SND1: variants seen among roughly 807,000 people sequenced by gnomAD.
SND1 encodes the protein staphylococcal nuclease and tudor domain containing 1, also known as staphylococcal nuclease domain-containing protein 1.
Under a neutral mutation model 121.7 loss-of-function variants are expected in SND1, and 38 were observed. The ratio of observed to expected loss-of-function variants is 0.31; its 90% CI spans 0.24 to 0.41. The LOEUF (loss-of-function observed/expected upper bound fraction) is 0.41. Ranked by LOEUF, SND1 falls within the 10% of genes least tolerant of loss-of-function variation. The probability of loss-of-function intolerance (pLI) is 1.00; values close to 1 mark genes in which losing one functional copy is unlikely to be tolerated. For missense variants in SND1, 868 were observed against 1,184.6 expected (o/e 0.73, Z 3.92); for synonymous variants, 401 against 447.4 (o/e 0.90, Z 1.31).
At chr7:127,843,560 C>T (rs543025339) in intron 11 of SND1, among the ~76,000 whole-genome samples, 2 of 152,296 alleles carry the variant, frequency 1.3e-5, no homozygotes, top group South Asian at 4.1e-4. Flanking sequence ...CATGTCTTTT[C>T]ATGGCTTGAT....
chr7:127,673,136 T>G (rs1454560772), intron 1 of SND1, among the ~76,000 whole-genome samples: 1 of 148,278 alleles, frequency 6.7e-6, no homozygotes, highest in Non-Finnish European at 1.5e-5. Context: ...TATATTCTAT[T>G]ATATATGATA....
chr7:128,083,794 G>T (rs761513349), intron 18 of SND1, among the ~76,000 whole-genome samples: 1 of 152,138 alleles, frequency 6.6e-6, no homozygotes, highest in South Asian at 2.1e-4. Flanking sequence ...CTTCTGAGAC[G>T]CAAGGGGCAA....
At chr7:127,799,177 C>G (rs1411856439) in intron 10 of SND1, among the ~76,000 whole-genome samples, 1 of 152,176 alleles carries the variant, frequency 6.6e-6, no homozygotes, top group East Asian at 1.9e-4. Context: ...ACCTGACAAC[C>G]ACCGACAGGT....
At chr7:127,822,013 A>G (rs1244714496) in intron 11 of SND1, among the ~76,000 whole-genome samples, 1 of 152,116 alleles carries the variant, frequency 6.6e-6, no homozygotes, top group East Asian at 1.9e-4. Context: ...TCTCTTATGT[A>G]TTCATTTTTT....
intron 2 of SND1, among the ~76,000 whole-genome samples, chr7:127,694,403 G>C (rs1795973273): frequency 6.6e-6 from 1 of 152,202 alleles, no homozygotes; most frequent in Non-Finnish European, 1.5e-5. Flanking sequence ...CTCTGCCTAG[G>C]TGGGTTCCTG....
At chr7:127,681,181 T>C (rs1415419553) in intron 1 of SND1, among the ~76,000 whole-genome samples, 1 of 152,230 alleles carries the variant, frequency 6.6e-6, no homozygotes, top group Non-Finnish European at 1.5e-5. Context: ...TCTTATTGAT[T>C]TTAGCTATCC....
intron 15 of SND1, among the ~76,000 whole-genome samples, chr7:127,957,848 G>A (rs141039106): frequency 1.8e-4 from 28 of 152,164 alleles, no homozygotes; most frequent in South Asian, 1.2e-3. Flanking sequence ...TTACAGGCGC[G>A]AGCCACCACA....
chr7:128,018,889 C>G (rs1423459866), intron 16 of SND1, among the ~76,000 whole-genome samples: 1 of 152,214 alleles, frequency 6.6e-6, no homozygotes, highest in Non-Finnish European at 1.5e-5. Flanking sequence ...TCAATAACAG[C>G]TATGATCCTA....
chr7:127,722,192 A>AGTT, intron 10 of SND1, among the ~76,000 whole-genome samples: 1 of 152,270 alleles, frequency 6.6e-6, no homozygotes, highest in African/African-American at 2.4e-5. Context: ...TATGTTAACT[A>AGTT]GTTATAGAAC....
At chr7:128,091,738 G>T in intron 22 of SND1, 99 bp from the exon 23 acceptor site, 1 of 1,252,296 alleles carries the variant, frequency 8.0e-7, no homozygotes, top group Non-Finnish European at 1.2e-6. Flanking sequence ...GCTTGAGCAA[G>T]GGAGAGCTCT....
intron 3 of SND1, 40 bp from the exon 4 acceptor site, chr7:127,698,835 G>GT: frequency 6.4e-7 from 1 of 1,570,058 alleles, no homozygotes; most frequent in Non-Finnish European, 8.8e-7. Flanking sequence ...TTGGAGGCAG[G>GT]TTTGAATCTT....
chr7:127,983,033 T>C (rs938078732), intron 15 of SND1, among the ~76,000 whole-genome samples: 13 of 152,220 alleles, frequency 8.5e-5, no homozygotes, highest in African/African-American at 3.1e-4. Flanking sequence ...TGTCTATATA[T>C]TGTTGGCGCT....
At chr7:127,835,167 A>T (rs1798842869) in intron 11 of SND1, among the ~76,000 whole-genome samples, 1 of 152,004 alleles carries the variant, frequency 6.6e-6, no homozygotes, top group Non-Finnish European at 1.5e-5. Flanking sequence ...CCTTCCCCCC[A>T]CTAATTATTC....
In SND1 at chr7:127,781,964, T is replaced by C. The variant is rs1180037006; in HGVS notation, c.1153-25520T>C. ...TTCCCCTTTTTCACTTAAGACAACATCCCATAAAATTTTCGCTTGGGTTAT... is the reference window on the plus strand; with the variant it reads ...TTCCCCTTTTTCACTTAAGACAACACCCCATAAAATTTTCGCTTGGGTTAT... On this transcript the variant is annotated intron_variant, in intron 10 of 23. Coordinates refer to ENST00000354725, the MANE Select transcript of SND1 (RefSeq NM_014390.4). Among the ~76,000 whole-genome samples, 3 of 152,300 alleles carry C rather than the reference T, an allele frequency of 2.0e-5. No individual in the cohort carries two copies. In the East Asian group the frequency reaches 5.8e-4, roughly 29 times the overall value.
intron 12 of SND1, among the ~76,000 whole-genome samples, chr7:127,849,554 A>T (rs1029927): frequency 3.3e-5 from 5 of 151,998 alleles, no homozygotes; most frequent in Non-Finnish European, 7.4e-5. Flanking sequence ...TGTCACATAT[A>T]CAGAAGATAC....
intron 10 of SND1, among the ~76,000 whole-genome samples, chr7:127,725,741 T>A (rs928975111): frequency 3.9e-5 from 6 of 152,126 alleles, no homozygotes; most frequent in Non-Finnish European, 8.8e-5. Context: ...CAGAGCCTTT[T>A]CCAAACCAAA....
chr7:127,816,192 C>G (rs1378991494), intron 11 of SND1, among the ~76,000 whole-genome samples: 1 of 152,202 alleles, frequency 6.6e-6, no homozygotes, highest in African/African-American at 2.4e-5. Context: ...TCCATCACTT[C>G]TACTTAGTAA....
At chr7:127,754,593 CTG>C (rs935539554) in intron 10 of SND1, among the ~76,000 whole-genome samples, 14 of 152,168 alleles carry the variant, frequency 9.2e-5, no homozygotes, top group Admixed American at 8.5e-4. Flanking sequence ...AGAGCTGACT[CTG>C]TGATTTCACT....
intron 10 of SND1, among the ~76,000 whole-genome samples, chr7:127,806,808 A>G (rs1584587124): frequency 6.6e-6 from 1 of 152,242 alleles, no homozygotes; most frequent in East Asian, 1.9e-4. Flanking sequence ...AAAATACAAA[A>G]ATTAGCTGGG....
Sources: gnomAD v4.1 joint callset for allele counts (sites outside exome capture counted in the v4.1 genomes callset) on GRCh38, gnomAD v4.1.1 for gene constraint, MANE v1.5 for transcripts, NCBI Gene and HGNC (gene_info 2026-07-23, HGNC 2026-07-21) for gene names.